DHX30: variants seen among roughly 807,000 people sequenced by gnomAD.
DHX30 encodes ATP-dependent RNA helicase DHX30.
A neutral mutation model predicts 116.9 loss-of-function variants in DHX30; 4 were observed. The observed-to-expected ratio is 0.03, with a 90% CI of 0.02 to 0.08. The LOEUF is 0.08. Among genes scored for constraint, DHX30 ranks in the 10% least tolerant of loss-of-function variants. DHX30 has a pLI of 1.00. For synonymous variants in DHX30, 697 were observed against 651.7 expected, an observed-to-expected ratio of 1.07 and a Z score of -1.06; for missense variants, 871 against 1,595.1, an observed-to-expected ratio of 0.55 and a Z score of 7.73.
chr3:47,843,982 G>A (rs572180447), intron 9 of DHX30, among the ~76,000 whole-genome samples: 6 of 152,364 alleles, frequency 3.9e-5, no homozygotes, highest in Non-Finnish European at 7.3e-5. Context: ...GATTGCAGGC[G>A]TGAGCCACCG....
At chr3:47,832,698 G>A (rs1047066340) in intron 6 of DHX30, among the ~76,000 whole-genome samples, 7 of 150,616 alleles carry the variant, frequency 4.6e-5, no homozygotes, top group South Asian at 2.1e-4. Flanking sequence ...GTACAGTGGC[G>A]CAGTCTCAGC....
At position 47,833,814 on chromosome 3, in the gene DHX30, C is replaced by T. The variant is rs532604810; in HGVS notation, c.366+4680C>T. 3.6e-4 allele frequency among the ~76,000 whole-genome samples: 54 copies of T among 151,684 alleles called. No homozygotes were observed. The East Asian group carries it at 8.0e-3, about 23-fold the overall frequency. ...CAGAGGTTGCAGTGAGCTGAGATCA[C>T]GCCACTGCACTTCAGCCTGAGCAAC... On this transcript the variant is annotated intron_variant, in intron 6 of 21. Coordinates refer to ENST00000445061, the MANE Select transcript of DHX30 (RefSeq NM_138615.3).
In DHX30 at chr3:47,847,729, G is replaced by T. The variant is rs550917284; in HGVS notation, c.2111-52G>T. 1.3e-6 allele frequency: 2 copies of T among 1,584,454 alleles called. No individual in the cohort carries two copies. The highest frequency in any genetic ancestry group is 1.7e-5 in the Admixed American group (1 of 57,634). On this transcript the variant is annotated intron_variant, in intron 13 of 21. Transcript: ENST00000445061. This position sits in a 1 kb window ranked among gnomAD's most constrained non-coding sequence, Gnocchi z 5.5. ...TCCTTGCCCTGCCCACATTCCAGGG[G>T]GGAATTCTGGTGGAAGCAGTGCCCA...
rs1051421338 is a variant in DHX30 at position 47,847,731 on chromosome 3, G to T, written c.2111-50G>T. The T allele has an allele frequency of 1.9e-6, 3 of 1,586,052 alleles. No individual in the cohort carries two copies. Among genetic ancestry groups the T allele is most frequent in the Non-Finnish European group, 2.6e-6 (3 of 1,162,228 alleles). On this transcript the variant is annotated intron_variant, in intron 13 of 21. Transcript: ENST00000445061. The surrounding 1 kb of genome is among the most constrained non-coding windows in gnomAD (Gnocchi z 5.5). The stretch of plus-strand genomic sequence containing the variant: ...CTTGCCCTGCCCACATTCCAGGGGG[G>T]AATTCTGGTGGAAGCAGTGCCCATA...
intron 9 of DHX30, among the ~76,000 whole-genome samples, chr3:47,844,634 G>T (rs1023711612): frequency 6.6e-6 from 1 of 152,244 alleles, no homozygotes; most frequent in African/African-American, 2.4e-5. Flanking sequence ...GCCCCTGTTG[G>T]GGGAAGACTT....
intron 4 of DHX30, among the ~76,000 whole-genome samples, chr3:47,826,823 T>TA (rs776973459): frequency 6.6e-6 from 1 of 152,212 alleles, no homozygotes; most frequent in Non-Finnish European, 1.5e-5. Flanking sequence ...TGTGCTTAGA[T>TA]ACGGTTGAGA....
In DHX30 at chr3:47,811,988, C is replaced by T. The variant is rs528602684; in HGVS notation, c.28+1277C>T. Among the ~76,000 whole-genome samples the T allele has an allele frequency of 1.9e-4, 27 of 142,162 alleles. No individual in the cohort carries two copies. The East Asian group carries it at 5.4e-3, about 28-fold the overall frequency. 93.3% of individuals were successfully genotyped at this position (142,162 alleles called of 152,430 possible). ...CTGAGGCAGGAGAATAGCTTTAACC[C>T]GGGAGGCAGAGGTTGCAGTGAGCCG... is the stretch of plus-strand genomic sequence containing the variant. On this transcript the variant is annotated intron_variant, in intron 3 of 21. Coordinates refer to ENST00000445061, the MANE Select transcript of DHX30 (RefSeq NM_138615.3).
chr3:47,849,149 G>A, intron 18 of DHX30, 43 bp from the exon 19 acceptor site: 3 of 1,613,192 alleles, frequency 1.9e-6, no homozygotes, highest in East Asian at 4.5e-5. Context: ...CCTCCAGCCT[G>A]TGGCTAGGGG....
intron 3 of DHX30, chr3:47,816,200 G>C (rs1360097878): frequency 1.3e-5 from 13 of 980,042 alleles, no homozygotes; most frequent in Non-Finnish European, 1.6e-5. Context: ...TATTATAAGA[G>C]AGCTTATGGG....
chr3:47,831,119 TA>T (rs1010721528), intron 6 of DHX30: 434 of 140,272 alleles, frequency 3.1e-3, no homozygotes, highest in Non-Finnish European at 3.1e-3. Context: ...GGTAATGTAT[TA>T]AAAAAAAAAA....
chr3:47,829,403 A>G (rs2036731033), intron 6 of DHX30, among the ~76,000 whole-genome samples: 1 of 132,192 alleles, frequency 7.6e-6, no homozygotes, highest in South Asian at 2.5e-4. Context: ...GAGTGCAGTG[A>G]TGCGATCTTG....
chr3:47,824,747 C>T (rs754137905), intron 4 of DHX30: 118 of 347,316 alleles, frequency 3.4e-4, no homozygotes, highest in Middle Eastern at 3.1e-3. Flanking sequence ...TAAGGCCTAG[C>T]ATTATTTTCC....
intron 6 of DHX30, among the ~76,000 whole-genome samples, chr3:47,838,993 C>T (rs1043483363): frequency 6.6e-6 from 1 of 151,964 alleles, no homozygotes; most frequent in Non-Finnish European, 1.5e-5. Context: ...CTTGCCTCAG[C>T]CTCCCAAGTC....
At chr3:47,838,248 G>T (rs545476156) in intron 6 of DHX30, among the ~76,000 whole-genome samples, 22 of 152,164 alleles carry the variant, frequency 1.4e-4, no homozygotes, top group Non-Finnish European at 2.5e-4. Context: ...CGGTTTTCAC[G>T]CGTCTATTCT....
At chr3:47,805,637 CA>C (rs1372473564) in intron 2 of DHX30, among the ~76,000 whole-genome samples, 2 of 152,064 alleles carry the variant, frequency 1.3e-5, no homozygotes, top group African/African-American at 4.8e-5. Context: ...CTCCCAGGTT[CA>C]AGCAATTCTC....
chr3:47,850,167 A>AAAT lies in DHX30; in HGVS notation c.*50_*52dup. 6.6e-7 allele frequency: 1 copy of AAAT among 1,512,506 alleles called. No individual in the cohort carries two copies. 93.7% of individuals were successfully genotyped at this position (1,512,506 alleles called of 1,614,324 possible). On this transcript the variant is annotated 3_prime_UTR_variant, in exon 22 of 22. Transcript: ENST00000445061. ...TGTACAGAGTGCAAATGTTTATTTA[A>AAAT]AATAAAGTTCTATTTATCCCTTGTG...
At chr3:47,819,160 C>T (rs1207813401) in intron 4 of DHX30, 3 of 1,270,504 alleles carry the variant, frequency 2.4e-6, no homozygotes, top group African/African-American at 1.5e-5. Flanking sequence ...AGAAATGCCA[C>T]CCCCCTACCG....
intron 2 of DHX30, among the ~76,000 whole-genome samples, chr3:47,810,067 A>G (rs537483872): frequency 5.3e-4 from 80 of 152,222 alleles, no homozygotes; most frequent in Non-Finnish European, 8.5e-4. Flanking sequence ...GTTATTTCAT[A>G]GAGACTGCTA....
chr3:47,823,017 T>C (rs2036366235), intron 4 of DHX30, among the ~76,000 whole-genome samples: 1 of 141,700 alleles, frequency 7.1e-6, no homozygotes, highest in Admixed American at 7.5e-5. Flanking sequence ...GGTGTGAACC[T>C]GGGAGGTGGA....
Sources: gnomAD v4.1 joint callset for allele counts (sites outside exome capture counted in the v4.1 genomes callset) on GRCh38, gnomAD v4.1.1 for gene constraint, Gnocchi (gnomAD v3.1) non-coding constraint, MANE v1.5 for transcripts, NCBI Gene and HGNC (gene_info 2026-07-23, HGNC 2026-07-21) for gene names.